IL27RA: variants seen among roughly 807,000 people sequenced by gnomAD.
The protein encoded by IL27RA is interleukin-27 receptor subunit alpha.
IL27RA carries 61 observed loss-of-function variants against 80.8 expected under a neutral mutation model. The ratio of observed to expected loss-of-function variants is 0.76; its 90% CI spans 0.61 to 0.93. IL27RA has a LOEUF of 0.93. Ranked by LOEUF, IL27RA falls within the 40% of genes least tolerant of loss-of-function variation. IL27RA has a pLI of 0.00. For missense variants in IL27RA, 735 were observed against 808.1 expected (o/e 0.91, Z 1.10); for synonymous variants, 316 against 332.5 (o/e 0.95, Z 0.54).
rs1187059827 is a variant in IL27RA at position 14,039,830 on chromosome 19, GC to G, written c.458del (p.Pro153HisfsTer10). 6.2e-7 allele frequency: 1 copy of G among 1,614,128 alleles called. No homozygotes were observed. Among genetic ancestry groups the G allele is most frequent in the South Asian group, 1.1e-5 (1 of 91,084 alleles). Reference sequence around the variant, plus strand: ...CCCCCTGGAGGCCACTGTCCATTGGGCCCCACCTACATGGCCATCTCATAAA... The same window carrying G: ...CCCCCTGGAGGCCACTGTCCATTGGGCCCACCTACATGGCCATCTCATAAA... ...DDPLEATVHW[A>X]PPTWPSHKVL... is the part of the protein sequence containing the mutation. On this transcript the variant is annotated frameshift_variant, in exon 4 of 14. Transcript: ENST00000263379. LOFTEE classifies it high-confidence loss of function.
chr19:14,046,402 G>T (rs776974151), intron 7 of IL27RA, 28 bp from the exon 8 acceptor site: 1 of 1,613,966 alleles, frequency 6.2e-7, no homozygotes, highest in Non-Finnish European at 8.5e-7. Context: ...TCCTGAGTGG[G>T]CAGCTGAGAC....
chr19:14,050,655 G>C, intron 10 of IL27RA, 103 bp from the exon 11 acceptor site: 3 of 1,263,406 alleles, frequency 2.4e-6, no homozygotes, highest in Non-Finnish European at 2.2e-6. Flanking sequence ...AGGGAGCCAT[G>C]TGGATACCTG....
At chr19:14,033,144 T>C (rs1381994039) in intron 2 of IL27RA, among the ~76,000 whole-genome samples, 1 of 144,116 alleles carries the variant, frequency 6.9e-6, no homozygotes, top group Non-Finnish European at 1.5e-5. Context: ...TTGCCCAGGC[T>C]GGAATGCAAT....
chr19:14,046,028 AAAAC>A (rs149367806), intron 6 of IL27RA, 122 bp from the exon 7 acceptor site: 189,358 of 927,724 alleles, frequency 0.2, 22,002 homozygotes, highest in African/African-American at 0.34. Context: ...TCCGTCTCAA[AAAAC>A]AAACAAACAA....
chr19:14,038,613 A>G (rs1383676196), intron 2 of IL27RA, among the ~76,000 whole-genome samples: 7 of 150,596 alleles, frequency 4.6e-5, no homozygotes, highest in African/African-American at 1.7e-4. Context: ...GGCCGGGCGC[A>G]GTGGCTCACG....
Position 14,052,246 on chromosome 19 carries a change from G to A in IL27RA, c.1867G>A (p.Glu623Lys). 6.4e-7 allele frequency: 1 copy of A among 1,560,348 alleles called. No individual in the cohort carries two copies. ...YEKHFLPTPE[E>K]LGLLGPPRPQ... ...GAAGCACTTCCTGCCCACACCTGAG[G>A]AGCTGGGCCTTCTGGGGCCCCCCAG... Residue 623 changes from glutamate to lysine, a missense_variant, in exon 14 of 14, where the codon GAG becomes AAG. Transcript: ENST00000263379.
At chr19:14,036,656 T>C (rs963084190) in intron 2 of IL27RA, among the ~76,000 whole-genome samples, 2 of 151,520 alleles carry the variant, frequency 1.3e-5, no homozygotes, top group Non-Finnish European at 2.9e-5. Flanking sequence ...ATCTGGCTAA[T>C]TTTTGTATTT....
In IL27RA at chr19:14,048,852, C is replaced by A. The variant is rs937678258; in HGVS notation, c.1142-129C>A. 21 of 811,646 alleles carry A rather than the reference C, an allele frequency of 2.6e-5. No homozygotes were observed. The Admixed American group carries it at 4.8e-4, about 18-fold the overall frequency. The allele number at this position is 811,646 out of a possible 1,614,324, so 50.3% of individuals were successfully genotyped here. ...TATTGGGGTTTTCTGGGATTACCTC[C>A]TAGATAAATGACTTACAGTCAGATC... On this transcript the variant is annotated intron_variant, in intron 8 of 13. Transcript: ENST00000263379.
Position 14,046,140 on chromosome 19 carries a change from C to T in IL27RA, c.769-14C>T, listed in dbSNP as rs774624578. ...AATGGGAGACATTAACCCCTTTTTC[C>T]CTTCATCTCTCAGGCCCCAGGGCCC... On this transcript the variant is annotated splice_polypyrimidine_tract_variant and intron_variant, in intron 6 of 13. Coordinates refer to ENST00000263379, the MANE Select transcript of IL27RA (RefSeq NM_004843.4). The T allele has an allele frequency of 1.9e-6, 3 of 1,601,676 alleles. No homozygotes were observed. Among genetic ancestry groups the T allele is most frequent in the Admixed American group, 1.8e-5 (1 of 56,788 alleles).
Position 14,050,891 on chromosome 19 carries a change from G to C in IL27RA, c.1528+8G>C. ...TCCGGCTTCATCTACCAGGTAGGGG[G>C]GTTGGGATGGGATTGCCACAGGGAG... is the stretch of plus-strand genomic sequence containing the variant. On this transcript the variant is annotated splice_region_variant and intron_variant, in intron 11 of 13. Coordinates refer to ENST00000263379, the MANE Select transcript of IL27RA (RefSeq NM_004843.4). 2 of 1,602,104 alleles carry C rather than the reference G, an allele frequency of 1.2e-6. No individual in the cohort carries two copies. The highest frequency in any genetic ancestry group is 1.7e-6 in the Non-Finnish European group (2 of 1,171,368).
At chr19:14,045,252 A>G (rs564641100) in intron 6 of IL27RA, among the ~76,000 whole-genome samples, 1 of 150,294 alleles carries the variant, frequency 6.7e-6, no homozygotes, top group Non-Finnish European at 1.5e-5. Context: ...GCACCACCGC[A>G]CTTCAGCCTG....
Position 14,052,903 on chromosome 19 carries a change from C to CAAAAAAAAAAAAAAAAGA in IL27RA, c.*617_*634dup, listed in dbSNP as rs1976203714. Reference sequence around the variant, plus strand: ...CAAAAATAAACAAACTAATAAAAAGCAAAAAAAAAAAAAAAAGAAAAGAAA... The same window carrying CAAAAAAAAAAAAAAAAGA: ...CAAAAATAAACAAACTAATAAAAAGCAAAAAAAAAAAAAAAAGAAAAAAAAAAAAAAAAAGAAAAGAAA... On this transcript the variant is annotated 3_prime_UTR_variant, in exon 14 of 14. Coordinates refer to ENST00000263379, the MANE Select transcript of IL27RA (RefSeq NM_004843.4). 1 of 89,832 alleles carries CAAAAAAAAAAAAAAAAGA rather than the reference C, an allele frequency of 1.1e-5. No individual in the cohort carries two copies. Among genetic ancestry groups the CAAAAAAAAAAAAAAAAGA allele is most frequent in the Non-Finnish European group, 2.6e-5 (1 of 38,888 alleles). The allele number at this position is 89,832 out of a possible 1,614,324, so 5.6% of individuals were successfully genotyped here.
Position 14,031,771 on chromosome 19 carries a change from C to G in IL27RA, c.-102C>G. Reference sequence around the variant, plus strand: ...GCGGCCTGCCGGGGTGGTTCGGCTTCCCGTTGCCGCCTCGGGCGCTGTACC... The same window carrying G: ...GCGGCCTGCCGGGGTGGTTCGGCTTGCCGTTGCCGCCTCGGGCGCTGTACC... On this transcript the variant is annotated 5_prime_UTR_variant, in exon 1 of 14. Transcript: ENST00000263379. 4 of 966,980 alleles carry G rather than the reference C, an allele frequency of 4.1e-6. No individual in the cohort carries two copies. Among genetic ancestry groups the G allele is most frequent in the Non-Finnish European group, 4.5e-6 (3 of 668,620 alleles). The allele number at this position is 966,980 out of a possible 1,614,324, so 59.9% of individuals were successfully genotyped here.
intron 4 of IL27RA, 74 bp from the exon 5 acceptor site, chr19:14,042,379 A>T: frequency 2.0e-6 from 2 of 986,242 alleles, no homozygotes; most frequent in Non-Finnish European, 2.8e-6. Flanking sequence ...AAAACAAAGG[A>T]AAAAAAAAAA....
intron 6 of IL27RA, among the ~76,000 whole-genome samples, chr19:14,043,323 T>C (rs1482312392): frequency 6.6e-6 from 1 of 151,958 alleles, no homozygotes; most frequent in African/African-American, 2.4e-5. Flanking sequence ...TAAGGATGGG[T>C]GCAGATATTC....
rs537503428 is a variant in IL27RA at position 14,034,315 on chromosome 19, T to A, written c.218+1812T>A. ...GAAAAGAGTCAATGAAAGATAAGAA[T>A]GGGAGACAGAGGTCCTGGATTTTTT... On this transcript the variant is annotated intron_variant, in intron 2 of 13. Coordinates refer to ENST00000263379, the MANE Select transcript of IL27RA (RefSeq NM_004843.4). 5.5e-4 allele frequency among the ~76,000 whole-genome samples: 83 copies of A among 152,186 alleles called. 2 individuals are homozygous for A. Among genetic ancestry groups the A allele is most frequent in the African/African-American group, 1.9e-3 (80 of 41,536 alleles).
rs896966027 is a variant in IL27RA at position 14,032,860 on chromosome 19, C to T, written c.218+357C>T. Among the ~76,000 whole-genome samples, 6 of 150,724 alleles carry T rather than the reference C, an allele frequency of 4.0e-5. No individual in the cohort carries two copies. The South Asian group carries it at 8.4e-4, about 21-fold the overall frequency. The stretch of plus-strand genomic sequence containing the variant: ...AAGAAAAGAAAGTCCCAGGAGTCTG[C>T]CCCCCTCCCCCAATACTCCTCCACT... On this transcript the variant is annotated intron_variant, in intron 2 of 13. Transcript: ENST00000263379.
chr19:14,050,782 C>A lies in IL27RA; in HGVS notation c.1427C>A (p.Thr476Asn). 6.2e-7 allele frequency: 1 copy of A among 1,613,376 alleles called. No homozygotes were observed. Among genetic ancestry groups the A allele is most frequent in the Non-Finnish European group, 8.5e-7 (1 of 1,179,450 alleles). Residue 476 changes from threonine (T) to asparagine (N), a missense_variant, in exon 11 of 14, where the codon ACC becomes AAC. Physicochemically the swap from Thr to Asn is moderately conservative, Grantham distance 65. Transcript: ENST00000263379. ...GTGAGTGGCAACACACAGAGTGTCA[C>A]CCTGCCTGACCTTCCTTGGGGTCCC... ...MNVSGNTQSV[T>N]LPDLPWGPCE...
At chr19:14,032,102 G>C in intron 1 of IL27RA, 130 bp downstream of exon 1, 1 of 855,396 alleles carries the variant, frequency 1.2e-6, no homozygotes, top group African/African-American at 1.7e-5. Context: ...GGCTCCTCCC[G>C]GGGCAGGGAC....
Sources: gnomAD v4.1 joint callset for allele counts (sites outside exome capture counted in the v4.1 genomes callset) on GRCh38, gnomAD v4.1.1 for gene constraint, MANE v1.5 for transcripts, NCBI Gene and HGNC (gene_info 2026-07-23, HGNC 2026-07-21) for gene names.